Variants in RGS22 observed in about 807,000 individuals in gnomAD.
The protein encoded by RGS22 is regulator of G-protein signaling 22.
Under a neutral mutation model 172.9 loss-of-function variants are expected in RGS22, and 148 were observed. That is an observed-to-expected ratio of 0.86 (90% CI 0.75 to 0.98). RGS22 has a LOEUF of 0.98. Among genes scored for constraint, RGS22 ranks in the 50% least tolerant of loss-of-function variants. RGS22 has a pLI of 0.00. For synonymous variants in RGS22, 458 were observed against 480.2 expected, an observed-to-expected ratio of 0.95 and a Z score of 0.60; for missense variants, 1,347 against 1,440.8, an observed-to-expected ratio of 0.93 and a Z score of 1.05.
At chr8:99,985,821 T>G (rs1813034573) in intron 21 of RGS22, among the ~76,000 whole-genome samples, 1 of 152,200 alleles carries the variant, frequency 6.6e-6, no homozygotes, top group Admixed American at 6.6e-5. Context: ...TTAAAATACC[T>G]ATTTTACAAA....
At chr8:100,073,131 AAAACAT>A (rs1811106444) in intron 4 of RGS22, among the ~76,000 whole-genome samples, 1 of 152,252 alleles carries the variant, frequency 6.6e-6, no homozygotes, top group South Asian at 2.1e-4. Flanking sequence ...CCTTGGACAC[AAAACAT>A]ATGTTACTAA....
At chr8:100,051,508 TATAA>T (rs10554515) in intron 10 of RGS22, among the ~76,000 whole-genome samples, 7,353 of 29,854 alleles carry the variant, frequency 0.25, 2,531 homozygotes, top group African/African-American at 0.26. Flanking sequence ...AATAAATATA[TATAA>T]ATATATTTTT....
chr8:100,093,325 A>C, intron 3 of RGS22, 122 bp downstream of exon 3: 1 of 596,528 alleles, frequency 1.7e-6, no homozygotes, highest in Non-Finnish European at 3.0e-6. Context: ...ACCTTTACCT[A>C]AATGCTTTAA....
intron 4 of RGS22, among the ~76,000 whole-genome samples, chr8:100,073,702 A>G (rs182479017): frequency 6.6e-6 from 1 of 152,310 alleles, no homozygotes; most frequent in Admixed American, 6.5e-5. Flanking sequence ...ACTACATATA[A>G]AGATCCACAT....
At chr8:100,062,550 TA>T (rs745503682) in intron 9 of RGS22, 40 bp downstream of exon 9, 3 of 1,370,092 alleles carry the variant, frequency 2.2e-6, no homozygotes, top group South Asian at 2.5e-5. Context: ...ATAACTGGCG[TA>T]AGGAAAGTGA....
At chr8:100,075,776 T>A (rs1811301851) in intron 4 of RGS22, among the ~76,000 whole-genome samples, 1 of 152,250 alleles carries the variant, frequency 6.6e-6, no homozygotes, top group South Asian at 2.1e-4. Flanking sequence ...TGATAACTCT[T>A]GGGCTAACCT....
At chr8:100,090,754 T>C (rs1363087704) in intron 3 of RGS22, among the ~76,000 whole-genome samples, 1 of 152,154 alleles carries the variant, frequency 6.6e-6, no homozygotes, top group African/African-American at 2.4e-5. Context: ...TGAGTATATC[T>C]GGCATATTCA....
At chr8:100,104,025 G>A (rs748969415) in intron 2 of RGS22, among the ~76,000 whole-genome samples, 38 of 152,292 alleles carry the variant, frequency 2.5e-4, no homozygotes, top group Non-Finnish European at 4.3e-4. Context: ...CCCATTAAAA[G>A]CAGAGCTCTG....
At chr8:100,051,806 TAA>T in intron 10 of RGS22, among the ~76,000 whole-genome samples, 1 of 39,530 alleles carries the variant, frequency 2.5e-5, no homozygotes, top group Admixed American at 5.3e-4. Flanking sequence ...TATTTATATA[TAA>T]ATGTTTATAT....
At chr8:99,989,321 A>T (rs868145569) in intron 20 of RGS22, among the ~76,000 whole-genome samples, 13 of 152,324 alleles carry the variant, frequency 8.5e-5, no homozygotes, top group Middle Eastern at 3.4e-3. Flanking sequence ...CTTGTTACAA[A>T]GTAAAATAGG....
intron 21 of RGS22, 80 bp from the exon 22 acceptor site, chr8:99,982,196 C>T (rs1812625159): frequency 1.8e-6 from 2 of 1,082,676 alleles, no homozygotes; most frequent in African/African-American, 3.3e-5. Flanking sequence ...ATATGTGTTT[C>T]AATTAATATA....
chr8:100,047,311 G>A (rs972325269), intron 11 of RGS22, 152 bp downstream of exon 11: 1 of 519,382 alleles, frequency 1.9e-6, no homozygotes, highest in Non-Finnish European at 3.0e-6. Flanking sequence ...GAGTATTCAT[G>A]CAAAGTATAA....
At chr8:99,980,720 C>A (rs932283914) in intron 22 of RGS22, among the ~76,000 whole-genome samples, 4 of 152,164 alleles carry the variant, frequency 2.6e-5, no homozygotes, top group African/African-American at 9.7e-5. Flanking sequence ...CAATAAAATT[C>A]TTTGGTTACA....
chr8:99,976,479 A>AGCCT (rs1289063169), intron 23 of RGS22, among the ~76,000 whole-genome samples: 3 of 152,070 alleles, frequency 2.0e-5, no homozygotes, highest in African/African-American at 7.2e-5. Context: ...CTCCTGCCTC[A>AGCCT]GCCTCCCAAG....
chr8:100,045,646 A>T (rs1820639848), intron 11 of RGS22, among the ~76,000 whole-genome samples: 1 of 151,894 alleles, frequency 6.6e-6, no homozygotes, highest in South Asian at 2.1e-4. Context: ...ACAATTTGAT[A>T]TTATCTAGCA....
intron 2 of RGS22, among the ~76,000 whole-genome samples, chr8:100,101,045 A>G (rs1813430353): frequency 6.6e-6 from 1 of 152,162 alleles, no homozygotes; most frequent in Non-Finnish European, 1.5e-5. Flanking sequence ...TTGATGGAAG[A>G]CTTGATAAAG....
chr8:99,996,785 T>C (rs1406632548), intron 19 of RGS22, among the ~76,000 whole-genome samples: 1 of 152,198 alleles, frequency 6.6e-6, no homozygotes, highest in Non-Finnish European at 1.5e-5. Context: ...ATAGTTTCAC[T>C]TGAGCTCACA....
chr8:100,002,221 G>A lies in RGS22; in HGVS notation c.2771C>T (p.Ser924Phe). ...TGATACCTGGTTCTGCTGATACAGA[G>A]AAGCTGGACTGTTGGGTCCAAAGAA... Reference protein sequence around the residue: ...KYFFGPNSPASLYQQNQVMHL... With the variant: ...KYFFGPNSPAFLYQQNQVMHL... The change falls in exon 18 of 28, where the codon TCT becomes TTT. Residue 924 changes from serine (S) to phenylalanine (F), a missense_variant. Ser to Phe is a radical substitution (Grantham distance 155). Coordinates refer to ENST00000360863, the MANE Select transcript of RGS22 (RefSeq NM_015668.5). The A allele has an allele frequency of 6.3e-7, 1 of 1,594,894 alleles. No individual in the cohort carries two copies. Among genetic ancestry groups the A allele is most frequent in the African/African-American group, 1.4e-5 (1 of 73,600 alleles).
chr8:100,000,548 G>T (rs908786480), intron 18 of RGS22, among the ~76,000 whole-genome samples: 6 of 152,252 alleles, frequency 3.9e-5, no homozygotes, highest in African/African-American at 1.4e-4. Context: ...GATCATTGGG[G>T]AAAATCCTCT....
Sources: allele counts gnomAD v4.1 joint callset (sites outside exome capture counted in the v4.1 genomes callset), GRCh38; gene constraint gnomAD v4.1.1; transcripts MANE v1.5; gene names NCBI Gene and HGNC (gene_info 2026-07-23, HGNC 2026-07-21).